Variants in ANKRD30B observed in about 807,000 individuals in gnomAD.
The protein encoded by ANKRD30B is ankyrin repeat domain-containing protein 30B.
A neutral mutation model predicts 202.2 loss-of-function variants in ANKRD30B; 144 were observed. That is an observed-to-expected ratio of 0.71 (90% CI 0.62 to 0.82). The LOEUF (loss-of-function observed/expected upper bound fraction) is 0.82. Ranked by LOEUF, ANKRD30B falls within the 40% of genes least tolerant of loss-of-function variation. ANKRD30B has a pLI of 0.00. For missense variants in ANKRD30B, 1,487 were observed against 1,669.1 expected, an observed-to-expected ratio of 0.89 and a Z score of 1.90; for synonymous variants, 508 against 561.3, an observed-to-expected ratio of 0.91 and a Z score of 1.34.
chr18:14,883,372 T>TG, the ANKRD30B span, among the ~76,000 whole-genome samples: 1 of 39,670 alleles, frequency 2.5e-5, no homozygotes, highest in Non-Finnish European at 4.7e-5. Flanking sequence ...TCTGTCTGTC[T>TG]CTCTCTCTCT....
chr18:14,749,901 A>T (rs113135135), intron 1 of ANKRD30B, among the ~76,000 whole-genome samples: 10,082 of 151,966 alleles, frequency 0.066, 435 homozygotes, highest in Admixed American at 0.13. Flanking sequence ...CATAAGTGAA[A>T]TGCCTGCTTT....
the ANKRD30B span, among the ~76,000 whole-genome samples, chr18:14,876,085 G>A: frequency 2.6e-5 from 4 of 151,932 alleles, no homozygotes; most frequent in Non-Finnish European, 4.4e-5. Flanking sequence ...AGCCTGGGTC[G>A]TGAGAATCCT....
At chr18:14,798,807 T>A (rs953143670) in intron 20 of ANKRD30B, among the ~76,000 whole-genome samples, 1 of 152,196 alleles carries the variant, frequency 6.6e-6, no homozygotes, top group African/African-American at 2.4e-5. Flanking sequence ...TCACCCACTG[T>A]TGGCTCATTC....
intron 9 of ANKRD30B, among the ~76,000 whole-genome samples, chr18:14,773,346 T>C (rs188078801): frequency 8.8e-6 from 1 of 113,474 alleles, no homozygotes; most frequent in East Asian, 2.3e-4. Context: ...CAGAATACAG[T>C]CTTGCCTATA....
At chr18:14,874,923 A>G in the ANKRD30B span, among the ~76,000 whole-genome samples, 2 of 152,262 alleles carry the variant, frequency 1.3e-5, no homozygotes, top group Admixed American at 1.3e-4. Flanking sequence ...AGCCTAGGGG[A>G]GTGACCTCAT....
chr18:14,855,671 G>A (rs1972069490), downstream of ANKRD30B, among the ~76,000 whole-genome samples: 1 of 150,024 alleles, frequency 6.7e-6, no homozygotes, highest in Admixed American at 6.6e-5. Flanking sequence ...CAGACGATGG[G>A]CGGCCGGGCA....
intron 37 of ANKRD30B, among the ~76,000 whole-genome samples, chr18:14,841,532 A>G (rs999740719): frequency 2.6e-5 from 4 of 152,178 alleles, no homozygotes; most frequent in African/African-American, 9.7e-5. Context: ...CAGAGGGGAA[A>G]AAAGAGGTAA....
At chr18:14,797,747 T>C (rs551445983) in intron 19 of ANKRD30B, 35 bp from the exon 20 acceptor site, 37 of 1,597,856 alleles carry the variant, frequency 2.3e-5, no homozygotes, top group East Asian at 4.5e-5. Context: ...AAGTGTACAT[T>C]ATATATTAAT....
At chr18:14,912,265 G>A in the ANKRD30B span, among the ~76,000 whole-genome samples, 1 of 152,158 alleles carries the variant, frequency 6.6e-6, no homozygotes, top group African/African-American at 2.4e-5. Context: ...TGTTGTATAT[G>A]ACCTTTATTA....
intron 6 of ANKRD30B, among the ~76,000 whole-genome samples, chr18:14,763,379 C>CT (rs1278471941): frequency 1.3e-5 from 2 of 152,154 alleles, no homozygotes; most frequent in East Asian, 3.9e-4. Context: ...TGAAACTCGT[C>CT]TCTACTAAAT....
chr18:14,828,545 C>T (rs114765551), intron 33 of ANKRD30B, among the ~76,000 whole-genome samples: 2,591 of 152,214 alleles, frequency 0.017, 82 homozygotes, highest in African/African-American at 0.059. Flanking sequence ...GATGTCATAG[C>T]TAAAAAGTAG....
chr18:14,851,361 G>A, intron 41 of ANKRD30B, 148 bp from the exon 42 acceptor site: 1 of 614,458 alleles, frequency 1.6e-6, no homozygotes, highest in Non-Finnish European at 2.4e-6. Flanking sequence ...TATAGTATTT[G>A]AAGTTTTGAT....
chr18:14,819,189 G>A (rs1303755056), intron 30 of ANKRD30B, among the ~76,000 whole-genome samples: 10 of 146,762 alleles, frequency 6.8e-5, no homozygotes, highest in East Asian at 4.0e-4. Context: ...CATGTCCTTC[G>A]CCCACTTTTT....
At chr18:14,865,909 C>T in the ANKRD30B span, among the ~76,000 whole-genome samples, 86 of 152,274 alleles carry the variant, frequency 5.6e-4, no homozygotes, top group African/African-American at 2.0e-3. Flanking sequence ...GACTCTTCTT[C>T]AGCACCATTT....
At chr18:14,829,858 G>A (rs1411725983) in intron 33 of ANKRD30B, among the ~76,000 whole-genome samples, 1 of 152,176 alleles carries the variant, frequency 6.6e-6, no homozygotes, top group Non-Finnish European at 1.5e-5. Context: ...AGCCCCTTCA[G>A]TGCTAGGGGA....
the ANKRD30B span, among the ~76,000 whole-genome samples, chr18:14,897,221 T>C: frequency 6.6e-6 from 1 of 152,170 alleles, no homozygotes; most frequent in Non-Finnish European, 1.5e-5. Context: ...AACAAAATAG[T>C]GAGAGGGTGG....
chr18:14,766,973 T>C (rs570511535), intron 7 of ANKRD30B, among the ~76,000 whole-genome samples: 2 of 152,350 alleles, frequency 1.3e-5, no homozygotes, highest in South Asian at 4.1e-4. Context: ...TTAGGGTTGT[T>C]AAGTATACTG....
intron 33 of ANKRD30B, chr18:14,830,225 C>T (rs1568056332): frequency 6.5e-6 from 1 of 154,364 alleles, no homozygotes; most frequent in Non-Finnish European, 1.5e-5. Context: ...CTCCCACTTC[C>T]AGATCTTTCT....
At chr18:14,794,605 A>T (rs1261030648) in intron 16 of ANKRD30B, among the ~76,000 whole-genome samples, 1 of 152,226 alleles carries the variant, frequency 6.6e-6, no homozygotes, top group African/African-American at 2.4e-5. Flanking sequence ...GTTTAAAGAT[A>T]TTAATGAATC....
Sources: allele counts gnomAD v4.1 joint callset (sites outside exome capture counted in the v4.1 genomes callset), GRCh38; gene constraint gnomAD v4.1.1; transcripts MANE v1.5; gene names NCBI Gene and HGNC (gene_info 2026-07-23, HGNC 2026-07-21).